Variants in ATF7 observed in about 807,000 individuals in gnomAD.
ATF7 encodes activating transcription factor 7.
Under a neutral mutation model 50.4 loss-of-function variants are expected in ATF7, and 10 were observed. That is an observed-to-expected ratio of 0.20 (90% CI 0.12 to 0.34). The LOEUF (loss-of-function observed/expected upper bound fraction) is 0.34, where lower values mean the gene tolerates loss of function less well. Ranked by LOEUF, ATF7 falls within the 10% of genes least tolerant of loss-of-function variation. The pLI is 1.00. For missense variants in ATF7, 465 were observed against 613.9 expected (o/e 0.76, Z 2.56); for synonymous variants, 201 against 226.4 (o/e 0.89, Z 1.01).
intron 5 of ATF7, among the ~76,000 whole-genome samples, chr12:53,535,517 G>T (rs1241131086): frequency 6.6e-6 from 1 of 151,898 alleles, no homozygotes; most frequent in Non-Finnish European, 1.5e-5. Context: ...GAAGCATGAG[G>T]GGGCTTCTGA....
intron 1 of ATF7, among the ~76,000 whole-genome samples, chr12:53,610,596 G>A (rs1334004851): frequency 6.6e-6 from 1 of 150,740 alleles, no homozygotes; most frequent in Non-Finnish European, 1.5e-5. Flanking sequence ...TACAAGAATG[G>A]ACACCACATC....
rs1941605997 is a variant in ATF7, at chr12:53,568,985, C to T, written c.49-16348G>A. On this transcript the variant is annotated intron_variant, in intron 2 of 11. Transcript: ENST00000420353. ...AAGCCTGGGCAATATATATTGAAAT[C>T]CTGTCTCTTAAAAAATTTAAAGAGT... Among the ~76,000 whole-genome samples the T allele has an allele frequency of 2.6e-5, 4 of 151,946 alleles. No homozygotes were observed. The South Asian group carries it at 8.3e-4, about 32-fold the overall frequency.
chr12:53,593,942 A>G (rs1159570670), intron 2 of ATF7, among the ~76,000 whole-genome samples: 1 of 152,254 alleles, frequency 6.6e-6, no homozygotes, highest in Admixed American at 6.5e-5. Flanking sequence ...ACTGCTGAGC[A>G]AGTCAATCTG....
At chr12:53,555,604 G>A (rs1364201752) in intron 2 of ATF7, among the ~76,000 whole-genome samples, 4 of 136,414 alleles carry the variant, frequency 2.9e-5, no homozygotes, top group African/African-American at 8.3e-5. Flanking sequence ...TCCATCTCCC[G>A]AGTTCAAGTG....
At chr12:53,576,983 G>A (rs902411801) in intron 2 of ATF7, among the ~76,000 whole-genome samples, 18 of 152,184 alleles carry the variant, frequency 1.2e-4, no homozygotes, top group Non-Finnish European at 1.9e-4. Flanking sequence ...TTAAACCCAG[G>A]AGGTGGAGGT....
chr12:53,508,892 T>TATCA (rs1354225290), downstream of ATF7, among the ~76,000 whole-genome samples: 2 of 152,224 alleles, frequency 1.3e-5, no homozygotes, highest in Non-Finnish European at 2.9e-5. Flanking sequence ...GGGGCTGGAC[T>TATCA]ATCATTCTGA....
chr12:53,511,607 C>T (rs1299638185), downstream of ATF7, among the ~76,000 whole-genome samples: 6 of 152,224 alleles, frequency 3.9e-5, no homozygotes, highest in Non-Finnish European at 7.3e-5. Context: ...CTCCTCCTTA[C>T]CATAGAAAGC....
intron 2 of ATF7, among the ~76,000 whole-genome samples, chr12:53,587,843 A>ATATATTTTTTTT: frequency 3.2e-5 from 2 of 61,566 alleles, no homozygotes; most frequent in African/African-American, 5.1e-5. Context: ...ATATATATAT[A>ATATATTTTTTTT]TTTTTTTTTT....
chr12:53,610,993 A>AT (rs1330521624), intron 1 of ATF7, among the ~76,000 whole-genome samples: 1,699 of 144,216 alleles, frequency 0.012, 15 homozygotes, highest in South Asian at 0.05. Flanking sequence ...TGCCCAGCTC[A>AT]TTTTTTTTTT....
chr12:53,592,760 G>A (rs1441643645), intron 2 of ATF7, among the ~76,000 whole-genome samples: 1 of 152,112 alleles, frequency 6.6e-6, no homozygotes, highest in Non-Finnish European at 1.5e-5. Flanking sequence ...AGTACAATAG[G>A]TACTGAAGCA....
intron 1 of ATF7, among the ~76,000 whole-genome samples, chr12:53,618,896 CAA>C (rs1303574772): frequency 6.6e-6 from 1 of 151,766 alleles, no homozygotes; most frequent in Non-Finnish European, 1.5e-5. Flanking sequence ...TACTAAAACA[CAA>C]AAAGTTAGCC....
Position 53,515,608 on chromosome 12 carries a change from G to A in ATF7, c.*1529C>T, listed in dbSNP as rs534048131. 6.6e-6 allele frequency: 1 copy of A among 152,340 alleles called. No individual in the cohort carries two copies. The highest frequency in any genetic ancestry group is 2.4e-5 in the African/African-American group (1 of 41,574). The allele number at this position is 152,340 out of a possible 1,614,324, so 9.4% of individuals were successfully genotyped here. On this transcript the variant is annotated 3_prime_UTR_variant, in exon 12 of 12. Coordinates refer to ENST00000420353, the MANE Select transcript of ATF7 (RefSeq NM_006856.3). ...CTTAACGTGGAAGAGGGACAAGAGAGATGAATTGCTCCCTCTGCAACCCAA... is the reference window on the plus strand; with the variant it reads ...CTTAACGTGGAAGAGGGACAAGAGAAATGAATTGCTCCCTCTGCAACCCAA...
intron 7 of ATF7, among the ~76,000 whole-genome samples, chr12:53,532,881 A>G (rs563769207): frequency 2.0e-4 from 30 of 152,284 alleles, no homozygotes; most frequent in Non-Finnish European, 3.2e-4. Flanking sequence ...ATTGTTGGGC[A>G]ATTTGGGAGG....
chr12:53,511,310 A>G (rs11830038), downstream of ATF7, among the ~76,000 whole-genome samples: 2,743 of 152,180 alleles, frequency 0.018, 66 homozygotes, highest in African/African-American at 0.059. Flanking sequence ...GTGCAACGGC[A>G]CGATCTTAGC....
rs987550063 is a variant in ATF7 at position 53,515,629 on chromosome 12, C to T, written c.*1508G>A. 1.3e-5 allele frequency: 2 copies of T among 152,202 alleles called. No homozygotes were observed. The highest frequency in any genetic ancestry group is 4.8e-5 in the African/African-American group (2 of 41,450). The allele number at this position is 152,202 out of a possible 1,614,324, so 9.4% of individuals were successfully genotyped here. A position where few individuals can be genotyped will look rare whatever the true frequency, so the allele number is the denominator to read the frequency against. On this transcript the variant is annotated 3_prime_UTR_variant, in exon 12 of 12. Transcript: ENST00000420353. Reference sequence around the variant, plus strand: ...GAGAGATGAATTGCTCCCTCTGCAACCCAACTCTTCAAAGTAAGAATGGTT... The same window carrying T: ...GAGAGATGAATTGCTCCCTCTGCAATCCAACTCTTCAAAGTAAGAATGGTT...
intron 2 of ATF7, among the ~76,000 whole-genome samples, chr12:53,591,793 C>A (rs1470350115): frequency 6.6e-6 from 1 of 152,182 alleles, no homozygotes; most frequent in Non-Finnish European, 1.5e-5. Context: ...CTTTGATAAG[C>A]AGCGGTGCAA....
intron 1 of ATF7, among the ~76,000 whole-genome samples, chr12:53,616,709 G>A (rs1944134391): frequency 6.6e-6 from 1 of 151,876 alleles, no homozygotes; most frequent in Non-Finnish European, 1.5e-5. Context: ...TTGGAAGGCT[G>A]AGGCGGGTGG....
intron 2 of ATF7, among the ~76,000 whole-genome samples, chr12:53,590,463 G>C (rs1942892764): frequency 6.6e-6 from 1 of 152,118 alleles, no homozygotes; most frequent in African/African-American, 2.4e-5. Context: ...CTAATCAAAG[G>C]AAAAGAGATC....
chr12:53,510,880 A>G (rs886889581), downstream of ATF7, among the ~76,000 whole-genome samples: 1 of 152,270 alleles, frequency 6.6e-6, no homozygotes, highest in East Asian at 1.9e-4. Flanking sequence ...AAAACCTCAT[A>G]ATCTGGGCTT....
Sources: gnomAD v4.1 joint callset for allele counts (sites outside exome capture counted in the v4.1 genomes callset) on GRCh38, gnomAD v4.1.1 for gene constraint, MANE v1.5 for transcripts, NCBI Gene and HGNC (gene_info 2026-07-23, HGNC 2026-07-21) for gene names.